NRXN3: variants seen among roughly 807,000 people sequenced by gnomAD.
The protein encoded by NRXN3 is neurexin 3.
NRXN3 carries 32 observed loss-of-function variants against 137.6 expected under a neutral mutation model. The ratio of observed to expected loss-of-function variants is 0.23; its 90% CI spans 0.18 to 0.31. The LOEUF (loss-of-function observed/expected upper bound fraction) is 0.31. Among genes scored for constraint, NRXN3 ranks in the 10% least tolerant of loss-of-function variants. The pLI, the probability that NRXN3 is intolerant of heterozygous loss-of-function variation, is 1.00. For synonymous variants in NRXN3, 798 were observed against 784.5 expected (o/e 1.02, Z -0.29); for missense variants, 1,574 against 2,062.5 (o/e 0.76, Z 4.59).
intron 15 of NRXN3, among the ~76,000 whole-genome samples, chr14:79,453,984 G>T (rs2096218853): frequency 6.6e-6 from 1 of 152,018 alleles, no homozygotes; most frequent in Non-Finnish European, 1.5e-5. Context: ...CTCTACTGCA[G>T]ACAAAGTTAT....
intron 4 of NRXN3, among the ~76,000 whole-genome samples, chr14:78,314,931 C>CTT (rs1567235159): frequency 8.4e-6 from 1 of 119,452 alleles, no homozygotes; most frequent in African/African-American, 4.0e-5. Context: ...TTCTTTCTTT[C>CTT]TTTCTTTCTT....
intron 16 of NRXN3, among the ~76,000 whole-genome samples, chr14:79,632,649 T>C (rs950442857): frequency 6.6e-6 from 1 of 151,776 alleles, no homozygotes; most frequent in Non-Finnish European, 1.5e-5. Flanking sequence ...CTAAGACGTG[T>C]ATTAAATAAC....
intron 15 of NRXN3, among the ~76,000 whole-genome samples, chr14:79,030,224 A>G (rs1213873712): frequency 6.6e-6 from 1 of 151,482 alleles, no homozygotes; most frequent in Non-Finnish European, 1.5e-5. Flanking sequence ...TACATAGTAG[A>G]TGCCAGTAGT....
At chr14:78,516,760 T>C (rs994799285) in intron 4 of NRXN3, among the ~76,000 whole-genome samples, 2 of 152,110 alleles carry the variant, frequency 1.3e-5, no homozygotes, top group Non-Finnish European at 2.9e-5. Flanking sequence ...TTGAGAGATT[T>C]TTTTGAGAAT....
At chr14:78,773,551 C>A (rs2098735220) in intron 8 of NRXN3, among the ~76,000 whole-genome samples, 1 of 152,258 alleles carries the variant, frequency 6.6e-6, no homozygotes, top group East Asian at 1.9e-4. Flanking sequence ...ATAAAACTTA[C>A]TTAGCTTTAT....
intron 4 of NRXN3, among the ~76,000 whole-genome samples, chr14:78,604,946 C>T (rs909838790): frequency 3.9e-5 from 6 of 152,130 alleles, no homozygotes; most frequent in African/African-American, 1.4e-4. Context: ...TCCTAATTCT[C>T]AAGACAGTCT....
chr14:79,219,594 A>G (rs1439059136), intron 15 of NRXN3, among the ~76,000 whole-genome samples: 1 of 152,214 alleles, frequency 6.6e-6, no homozygotes, highest in East Asian at 1.9e-4. Context: ...CCCTGAAGGT[A>G]CACTGGGATA....
At chr14:79,178,673 G>A (rs1029434436) in intron 15 of NRXN3, among the ~76,000 whole-genome samples, 3 of 151,980 alleles carry the variant, frequency 2.0e-5, no homozygotes, top group Admixed American at 1.3e-4. Flanking sequence ...GTGTTTTGGG[G>A]GATAGATTAA....
chr14:79,519,645 A>T (rs74070265), intron 16 of NRXN3, among the ~76,000 whole-genome samples: 4,160 of 152,108 alleles, frequency 0.027, 201 homozygotes, highest in African/African-American at 0.095. Context: ...GGGCTGTATT[A>T]CATTCGACCC....
At chr14:78,874,513 A>G (rs1596777527) in intron 10 of NRXN3, among the ~76,000 whole-genome samples, 1 of 151,986 alleles carries the variant, frequency 6.6e-6, no homozygotes, top group South Asian at 2.1e-4. Context: ...GCTACCCACC[A>G]CTTCCTGCAA....
chr14:79,437,033 G>A (rs2370983), intron 15 of NRXN3, among the ~76,000 whole-genome samples: 107,090 of 151,946 alleles, frequency 0.7, 38,641 homozygotes, highest in African/African-American at 0.87. Context: ...TCATCTCCAT[G>A]AATCACTAAT....
chr14:78,236,157 A>G (rs1327291235), intron 1 of NRXN3, among the ~76,000 whole-genome samples: 1 of 152,246 alleles, frequency 6.6e-6, no homozygotes, highest in Non-Finnish European at 1.5e-5. Flanking sequence ...AAGCACATAC[A>G]TTGTAAGTAT....
chr14:78,678,267 T>C (rs1022321228), intron 6 of NRXN3, among the ~76,000 whole-genome samples: 1 of 152,158 alleles, frequency 6.6e-6, no homozygotes, highest in African/African-American at 2.4e-5. Flanking sequence ...TTGATAAGAT[T>C]TATCTATGTT....
chr14:79,236,423 A>G (rs1235244540), intron 15 of NRXN3, among the ~76,000 whole-genome samples: 1 of 152,110 alleles, frequency 6.6e-6, no homozygotes, highest in Non-Finnish European at 1.5e-5. Flanking sequence ...GTTAGACACT[A>G]TTATTATAAA....
intron 15 of NRXN3, among the ~76,000 whole-genome samples, chr14:79,346,283 G>A (rs1346005690): frequency 6.6e-6 from 1 of 152,124 alleles, no homozygotes. Flanking sequence ...TTAGCTGGAT[G>A]TGGTGGTGGC....
intron 10 of NRXN3, among the ~76,000 whole-genome samples, chr14:78,832,390 G>T (rs2098984995): frequency 6.6e-6 from 1 of 152,170 alleles, no homozygotes; most frequent in East Asian, 1.9e-4. Context: ...ATGAGAAACA[G>T]CTGTAATTAC....
intron 11 of NRXN3, among the ~76,000 whole-genome samples, chr14:78,964,471 G>A (rs778956013): frequency 6.6e-6 from 1 of 152,218 alleles, no homozygotes; most frequent in Non-Finnish European, 1.5e-5. Context: ...AACAGGAGGT[G>A]TTAGGGGCTG....
At chr14:78,228,242 C>T (rs771978268) in intron 1 of NRXN3, among the ~76,000 whole-genome samples, 14 of 151,106 alleles carry the variant, frequency 9.3e-5, no homozygotes, top group Admixed American at 2.6e-4. Context: ...CTGTAACCTC[C>T]GCCTCCCAGG....
intron 16 of NRXN3, among the ~76,000 whole-genome samples, chr14:79,535,262 A>C (rs987637774): frequency 1.3e-5 from 2 of 152,188 alleles, no homozygotes; most frequent in African/African-American, 4.8e-5. Flanking sequence ...AAGTGAAAGC[A>C]TGTTTGTAAT....
Sources: allele counts gnomAD v4.1 joint callset (sites outside exome capture counted in the v4.1 genomes callset), GRCh38; gene constraint gnomAD v4.1.1; transcripts MANE v1.5; gene names NCBI Gene and HGNC (gene_info 2026-07-23, HGNC 2026-07-21).